The following CTNNA2 variants were observed in gnomAD, a reference collection of about 807,000 sequenced individuals.
The protein encoded by CTNNA2 is catenin alpha 2.
Under a neutral mutation model 101.0 loss-of-function variants are expected in CTNNA2, and 42 were observed. The observed-to-expected ratio is 0.42, with a 90% CI of 0.32 to 0.54. The LOEUF (loss-of-function observed/expected upper bound fraction) is 0.54, where lower values mean the gene tolerates loss of function less well. Ranked by LOEUF, CTNNA2 falls within the 20% of genes least tolerant of loss-of-function variation. CTNNA2 has a pLI of 0.14. For synonymous variants in CTNNA2, 450 were observed against 456.4 expected, an observed-to-expected ratio of 0.99 and a Z score of 0.18; for missense variants, 871 against 1,223.1, an observed-to-expected ratio of 0.71 and a Z score of 4.29.
At chr2:80,550,976 A>G (rs1192531121) in intron 11 of CTNNA2, among the ~76,000 whole-genome samples, 3 of 152,182 alleles carry the variant, frequency 2.0e-5, no homozygotes, top group African/African-American at 7.2e-5. Flanking sequence ...TATCTATTGC[A>G]GCTATAGCCT....
At chr2:79,980,841 A>G (rs1385899829) in intron 7 of CTNNA2, among the ~76,000 whole-genome samples, 2 of 152,184 alleles carry the variant, frequency 1.3e-5, no homozygotes, top group Non-Finnish European at 1.5e-5. Context: ...TAAGTAATTA[A>G]CTGAAATATT....
chr2:79,520,997 A>G (rs1168551994), intron 1 of CTNNA2, among the ~76,000 whole-genome samples: 1 of 151,424 alleles, frequency 6.6e-6, no homozygotes, highest in African/African-American at 2.4e-5. Context: ...GGACTTTTGC[A>G]TGAAAATTAA....
At chr2:80,000,831 T>G (rs1692896476) in intron 7 of CTNNA2, among the ~76,000 whole-genome samples, 1 of 152,104 alleles carries the variant, frequency 6.6e-6, no homozygotes. Flanking sequence ...GAACTTAGGC[T>G]GAGGTTGAAG....
intron 1 of CTNNA2, among the ~76,000 whole-genome samples, chr2:79,552,507 T>A: frequency 6.6e-6 from 1 of 152,158 alleles, no homozygotes. Flanking sequence ...CAGTGGGGAC[T>A]CTGTGTAGGG....
chr2:79,276,343 A>G (rs1235367462), intron 2 of CTNNA2, among the ~76,000 whole-genome samples: 1 of 151,976 alleles, frequency 6.6e-6, no homozygotes, highest in Admixed American at 6.6e-5. Flanking sequence ...ATATCCTCCT[A>G]ATGTTATGGT....
intron 1 of CTNNA2, among the ~76,000 whole-genome samples, chr2:79,578,687 G>C (rs1675949362): frequency 6.6e-6 from 1 of 152,084 alleles, no homozygotes; most frequent in Non-Finnish European, 1.5e-5. Flanking sequence ...TTTCTATATA[G>C]CACAGGCCTG....
chr2:79,724,365 A>G (rs1235828897), intron 2 of CTNNA2, among the ~76,000 whole-genome samples: 2 of 152,036 alleles, frequency 1.3e-5, no homozygotes, highest in Non-Finnish European at 2.9e-5. Flanking sequence ...TGTGCATTCC[A>G]GGAGATGTGT....
chr2:79,570,959 A>G (rs1675427622), intron 1 of CTNNA2, among the ~76,000 whole-genome samples: 1 of 152,160 alleles, frequency 6.6e-6, no homozygotes, highest in South Asian at 2.1e-4. Context: ...TGTGCCTGCT[A>G]TTGAGTTCTG....
chr2:79,534,457 A>G (rs1672932868), intron 1 of CTNNA2, among the ~76,000 whole-genome samples: 2 of 152,092 alleles, frequency 1.3e-5, no homozygotes, highest in Admixed American at 1.3e-4. Flanking sequence ...AATTATATCC[A>G]GTTCCTTGTC....
At chr2:79,484,651 G>T (rs2104558995) in intron 4 of CTNNA2, among the ~76,000 whole-genome samples, 1 of 152,232 alleles carries the variant, frequency 6.6e-6, no homozygotes, top group Non-Finnish European at 1.5e-5. Context: ...TTCTCCTCAG[G>T]CGTATTGCAC....
intron 1 of CTNNA2, among the ~76,000 whole-genome samples, chr2:79,599,782 T>G (rs1677432554): frequency 6.6e-6 from 1 of 152,208 alleles, no homozygotes; most frequent in African/African-American, 2.4e-5. Context: ...AAGTCACATT[T>G]TTTCTGATAC....
At chr2:79,986,171 C>T (rs2103865299) in intron 7 of CTNNA2, among the ~76,000 whole-genome samples, 1 of 152,304 alleles carries the variant, frequency 6.6e-6, no homozygotes, top group South Asian at 2.1e-4. Flanking sequence ...TTTAAGTTTT[C>T]AGCAAATGCC....
chr2:79,326,283 A>T (rs1676744584), intron 3 of CTNNA2, among the ~76,000 whole-genome samples: 1 of 146,800 alleles, frequency 6.8e-6, no homozygotes, highest in African/African-American at 2.6e-5. Flanking sequence ...AATGCAGAAT[A>T]TCACTAAACA....
At chr2:80,175,049 C>G (rs771183506) in intron 7 of CTNNA2, among the ~76,000 whole-genome samples, 5 of 152,220 alleles carry the variant, frequency 3.3e-5, no homozygotes, top group Non-Finnish European at 7.3e-5. Flanking sequence ...CAAAGTCCTG[C>G]ATGGTCTAGC....
Position 79,637,278 on chromosome 2 carries a change from A to G in CTNNA2, c.-5-14274A>G, listed in dbSNP as rs1216552256. Among the ~76,000 whole-genome samples, 3 of 152,202 alleles carry G rather than the reference A, an allele frequency of 2.0e-5. No individual in the cohort carries two copies. The East Asian group carries it at 5.8e-4, about 29-fold the overall frequency. The stretch of plus-strand genomic sequence containing the variant: ...AAAGGGGTGAAATTGAGGATACAGA[A>G]GAGAGAGTACAGTTGATGGAGTGAG... On this transcript the variant is annotated intron_variant, in intron 1 of 18. Coordinates refer to ENST00000402739, the MANE Select transcript of CTNNA2 (RefSeq NM_001282597.3).
chr2:79,802,614 C>T (rs1200095459), intron 3 of CTNNA2, among the ~76,000 whole-genome samples: 1 of 152,172 alleles, frequency 6.6e-6, no homozygotes, highest in African/African-American at 2.4e-5. Context: ...AATGAAGTTG[C>T]CTTTCAGGAG....
chr2:79,395,354 T>C (rs544652690), intron 4 of CTNNA2, among the ~76,000 whole-genome samples: 7 of 152,242 alleles, frequency 4.6e-5, no homozygotes, highest in African/African-American at 1.7e-4. Context: ...ACTCATCATT[T>C]AGCATTAGGT....
intron 2 of CTNNA2, among the ~76,000 whole-genome samples, chr2:79,202,181 G>A (rs772784542): frequency 9.2e-5 from 14 of 152,170 alleles, no homozygotes; most frequent in Non-Finnish European, 1.3e-4. Flanking sequence ...TCAGAGGGAT[G>A]ACTGAATAGA....
chr2:79,606,477 C>T (rs1297195704), intron 1 of CTNNA2, among the ~76,000 whole-genome samples: 1 of 151,994 alleles, frequency 6.6e-6, no homozygotes, highest in Admixed American at 6.6e-5. Context: ...AGCTTGTTAG[C>T]CAAGATGGTC....
Sources: allele counts gnomAD v4.1 joint callset (sites outside exome capture counted in the v4.1 genomes callset), GRCh38; gene constraint gnomAD v4.1.1; transcripts MANE v1.5; gene names NCBI Gene and HGNC (gene_info 2026-07-23, HGNC 2026-07-21).